The following IFI16 variants were observed in gnomAD, a reference collection of about 807,000 sequenced individuals.
IFI16 encodes gamma-interferon-inducible protein 16.
Under a neutral mutation model 68.4 loss-of-function variants are expected in IFI16, and 49 were observed. The ratio of observed to expected loss-of-function variants is 0.72; its 90% confidence interval spans 0.57 to 0.91. The LOEUF (loss-of-function observed/expected upper bound fraction) is 0.91. Ranked by LOEUF, IFI16 falls within the 40% of genes least tolerant of loss-of-function variation. The pLI is 0.00. For synonymous variants in IFI16, 307 were observed against 315.0 expected, an observed-to-expected ratio of 0.97 and a Z score of 0.27; for missense variants, 878 against 942.9, an observed-to-expected ratio of 0.93 and a Z score of 0.90.
chr1:159,025,167 A>G (rs1339428965), intron 6 of IFI16, among the ~76,000 whole-genome samples: 1 of 152,212 alleles, frequency 6.6e-6, no homozygotes, highest in Non-Finnish European at 1.5e-5. Context: ...TTGAAGCCCC[A>G]TGGTGACGCC....
Position 159,014,784 on chromosome 1 carries a change from T to C in IFI16, c.104T>C (p.Leu35Pro), listed in dbSNP as rs761613905. The change falls in exon 2 of 12, where the codon CTT becomes CCT. Residue 35 changes from leucine (L) to proline (P), a missense_variant. Physicochemically the swap from Leu to Pro is moderately conservative, Grantham distance 98 (BLOSUM62 -3). Around this residue, in one of 4 missense-constraint regions of IFI16, gnomAD observed 65 missense variants for 96.9 expected, o/e 0.67. Transcript: ENST00000295809. ...VKSLLSNDLKLNLKMREEYDK... is the reference protein window; with the variant it reads ...VKSLLSNDLKPNLKMREEYDK... ...TCCTTACTGAGCAACGATTTAAAAC[T>C]TAATTTAAAAATGAGAGAAGAGTAT... 2.6e-5 allele frequency: 42 copies of C among 1,613,668 alleles called. No homozygotes were observed. The highest frequency in any genetic ancestry group is 1.7e-4 in the Admixed American group (10 of 60,000).
chr1:159,002,338 A>G (rs957678905), upstream of IFI16, among the ~76,000 whole-genome samples: 2 of 152,174 alleles, frequency 1.3e-5, no homozygotes, highest in African/African-American at 4.8e-5. Flanking sequence ...GAAAAAAAAA[A>G]CTAGTGTTAT....
In IFI16 at chr1:159,015,958, G is replaced by A. The variant is rs528236836; in HGVS notation, c.352G>A (p.Glu118Lys). The change falls in exon 3 of 12, where the codon GAA (glutamate) becomes AAA (lysine). Residue 118 changes from glutamate to lysine, a missense_variant. Physicochemically the swap from Glu to Lys is moderately conservative, Grantham distance 56. Around this residue, in one of 4 missense-constraint regions of IFI16, gnomAD observed 443 missense variants for 421.8 expected, o/e 1.05. Transcript: ENST00000295809. ...CTCCACAAGCAGCACTGTCAAAACT[G>A]AAGGAGCAGAGGCAACTCCTGGAGC... The part of the protein sequence containing the change: ...APSTSSTVKT[E>K]GAEATPGAQK... 6.2e-7 allele frequency: 1 copy of A among 1,614,026 alleles called. No individual in the cohort carries two copies. Among genetic ancestry groups the A allele is most frequent in the Non-Finnish European group, 8.5e-7 (1 of 1,179,866 alleles).
At chr1:159,024,263 C>T (rs538726294) in intron 6 of IFI16, among the ~76,000 whole-genome samples, 2 of 152,040 alleles carry the variant, frequency 1.3e-5, no homozygotes, top group Admixed American at 6.6e-5. Flanking sequence ...GGATCTAGAA[C>T]CGAGGCTACT....
At chr1:159,043,209 A>G (rs1179111259) in intron 7 of IFI16, among the ~76,000 whole-genome samples, 1 of 152,304 alleles carries the variant, frequency 6.6e-6, no homozygotes. Context: ...AACTGTTGCC[A>G]TCTTGGGACT....
chr1:159,051,805 A>T lies in IFI16; in HGVS notation c.1792A>T (p.Lys598Ter), dbSNP rs753511424. ...TGTATATGAGCCCAAAGAGCAGAAG[A>T]AAATGTTTCATGCCACAGTGGCAAC... ...SFVYEPKEQK[K>*]MFHATVATEN... The change falls in exon 10 of 12, where the codon AAA becomes TAA. Residue 598 changes from lysine (K) to a stop codon, truncating the protein, a stop_gained. Transcript: ENST00000295809. LOFTEE classifies it high-confidence loss of function. 1.2e-6 allele frequency: 2 copies of T among 1,614,028 alleles called. No homozygotes were observed. The highest frequency in any genetic ancestry group is 2.7e-5 in the African/African-American group (2 of 74,932).
intron 5 of IFI16, among the ~76,000 whole-genome samples, chr1:159,019,568 C>T (rs957087900): frequency 5.9e-5 from 9 of 151,880 alleles, no homozygotes; most frequent in African/African-American, 2.2e-4. Flanking sequence ...AGGCGATTCT[C>T]CTGCCTCAGC....
chr1:159,041,139 G>T (rs1394131012), intron 7 of IFI16, among the ~76,000 whole-genome samples: 2 of 152,214 alleles, frequency 1.3e-5, no homozygotes, highest in East Asian at 3.8e-4. Context: ...AATTATATTA[G>T]TGAAAGCCAG....
chr1:159,035,245 A>G (rs947275), intron 7 of IFI16, among the ~76,000 whole-genome samples: 150,374 of 152,326 alleles, frequency 0.99, 74,247 homozygotes, highest in East Asian at 1. Context: ...TGCAGGTGTT[A>G]TTTGAAGAAC....
chr1:159,012,478 C>G (rs1184261860), intron 1 of IFI16, among the ~76,000 whole-genome samples: 1 of 152,150 alleles, frequency 6.6e-6, no homozygotes, highest in Non-Finnish European at 1.5e-5. Context: ...GTTCACATTT[C>G]AGTGAAATAA....
At chr1:159,016,054 C>A in intron 3 of IFI16, 67 bp downstream of exon 3, 2 of 958,868 alleles carry the variant, frequency 2.1e-6, no homozygotes, top group African/African-American at 1.6e-5. Flanking sequence ...CTCTTCCACT[C>A]AATCTCTCCA....
At chr1:159,020,846 C>CCT (rs142052607) in intron 6 of IFI16, among the ~76,000 whole-genome samples, 2 of 148,824 alleles carry the variant, frequency 1.3e-5, no homozygotes, top group African/African-American at 4.9e-5. Flanking sequence ...TAGAAAACGT[C>CCT]GTGTGTGTGT....
upstream of IFI16, among the ~76,000 whole-genome samples, chr1:159,007,017 GA>G (rs1445167996): frequency 1.3e-5 from 2 of 151,992 alleles, no homozygotes; most frequent in Non-Finnish European, 2.9e-5. Flanking sequence ...CACAATCTAG[GA>G]AATACAAGAT....
intron 6 of IFI16, among the ~76,000 whole-genome samples, chr1:159,027,174 G>A (rs112588929): frequency 6.6e-6 from 1 of 152,040 alleles, no homozygotes; most frequent in African/African-American, 2.4e-5. Context: ...GTCATAGACG[G>A]CTTTTATTAC....
At chr1:159,026,548 C>T (rs1653682623) in intron 6 of IFI16, among the ~76,000 whole-genome samples, 1 of 152,090 alleles carries the variant, frequency 6.6e-6, no homozygotes, top group South Asian at 2.1e-4. Context: ...ATCCACCTGG[C>T]TTGGCCTCCC....
At chr1:159,051,000 T>C (rs927889402) in intron 9 of IFI16, among the ~76,000 whole-genome samples, 10 of 152,148 alleles carry the variant, frequency 6.6e-5, no homozygotes, top group African/African-American at 2.4e-4. Flanking sequence ...ATCTAAGGTT[T>C]GTGGTTGAGA....
chr1:159,035,914 A>G (rs1458540280), intron 7 of IFI16, among the ~76,000 whole-genome samples: 2 of 152,128 alleles, frequency 1.3e-5, no homozygotes, highest in Non-Finnish European at 2.9e-5. Context: ...TCTAAATTCT[A>G]CTCTGGTTAT....
intron 2 of IFI16, 65 bp downstream of exon 2, chr1:159,015,010 G>A (rs1652834094): frequency 7.1e-7 from 1 of 1,406,366 alleles, no homozygotes. Flanking sequence ...ACATTGATTA[G>A]AGCCCCACCT....
At chr1:159,031,483 T>C (rs1653995761) in intron 6 of IFI16, among the ~76,000 whole-genome samples, 1 of 152,230 alleles carries the variant, frequency 6.6e-6, no homozygotes, top group Non-Finnish European at 1.5e-5. Flanking sequence ...ATGGCTTCCC[T>C]GGGGACTGAG....
Sources: gnomAD v4.1 joint callset for allele counts (sites outside exome capture counted in the v4.1 genomes callset) on GRCh38, gnomAD v4.1.1 for gene constraint, gnomAD v4.1.1 regional missense constraint, MANE v1.5 for transcripts, NCBI Gene and HGNC (gene_info 2026-07-23, HGNC 2026-07-21) for gene names.